NKAIN3: variants seen among roughly 807,000 people sequenced by gnomAD.
NKAIN3 encodes the protein sodium/potassium transporting ATPase interacting 3.
A neutral mutation model predicts 30.2 loss-of-function variants in NKAIN3; 25 were observed. That is an observed-to-expected ratio of 0.83 (90% CI 0.60 to 1.16). The LOEUF is 1.16. NKAIN3 is among the 50% of genes most tolerant of loss of function. The pLI is 0.00. For missense variants in NKAIN3, 225 were observed against 254.1 expected (o/e 0.89, Z 0.78); for synonymous variants, 91 against 89.6 (o/e 1.02, Z -0.09).
downstream of NKAIN3, among the ~76,000 whole-genome samples, chr8:62,989,211 G>T (rs1020483061): frequency 2.6e-5 from 4 of 152,132 alleles, no homozygotes; most frequent in African/African-American, 9.7e-5. Flanking sequence ...CTGTTACCCA[G>T]TTCCAACATC....
chr8:62,761,420 G>T (rs1176598487), intron 4 of NKAIN3, among the ~76,000 whole-genome samples: 1 of 152,172 alleles, frequency 6.6e-6, no homozygotes, highest in Non-Finnish European at 1.5e-5. Context: ...GTTCACAGCT[G>T]AAGGACTCTA....
intron 1 of NKAIN3, among the ~76,000 whole-genome samples, chr8:62,494,687 G>A (rs564771886): frequency 4.6e-5 from 7 of 151,820 alleles, no homozygotes; most frequent in African/African-American, 1.7e-4. Context: ...ATTCAATTTT[G>A]GAGCTCATTC....
chr8:62,852,039 C>G (rs1431847346), intron 4 of NKAIN3, among the ~76,000 whole-genome samples: 1 of 152,160 alleles, frequency 6.6e-6, no homozygotes, highest in African/African-American at 2.4e-5. Flanking sequence ...GGTACCAGCT[C>G]CTCCTTCTAC....
intron 4 of NKAIN3, among the ~76,000 whole-genome samples, chr8:62,870,711 C>T (rs1239523112): frequency 7.9e-6 from 1 of 126,238 alleles, no homozygotes; most frequent in Admixed American, 7.7e-5. Context: ...ATCTATATAT[C>T]TATATCTCTA....
intron 5 of NKAIN3, among the ~76,000 whole-genome samples, chr8:62,993,916 T>G (rs1324986212): frequency 2.6e-5 from 4 of 152,198 alleles, no homozygotes; most frequent in African/African-American, 9.7e-5. Flanking sequence ...GAAAGAAGCA[T>G]GCCCCATAAC....
At chr8:62,751,621 A>G (rs1354818143) in intron 4 of NKAIN3, among the ~76,000 whole-genome samples, 1 of 152,130 alleles carries the variant, frequency 6.6e-6, no homozygotes, top group African/African-American at 2.4e-5. Context: ...ATCATTGTTT[A>G]TTTAATACTC....
At chr8:62,805,597 A>T (rs1488467906) in intron 4 of NKAIN3, among the ~76,000 whole-genome samples, 1 of 152,208 alleles carries the variant, frequency 6.6e-6, no homozygotes, top group Non-Finnish European at 1.5e-5. Flanking sequence ...CTGGCTAGCC[A>T]TATGTAGAAA....
At chr8:62,841,455 A>G (rs1819529308) in intron 4 of NKAIN3, among the ~76,000 whole-genome samples, 1 of 152,010 alleles carries the variant, frequency 6.6e-6, no homozygotes, top group South Asian at 2.1e-4. Flanking sequence ...CAGTAACTCC[A>G]CATTCTCTCA....
intron 1 of NKAIN3, among the ~76,000 whole-genome samples, chr8:62,255,835 G>A (rs1349937701): frequency 6.6e-6 from 1 of 152,116 alleles, no homozygotes; most frequent in Non-Finnish European, 1.5e-5. Context: ...TCACCCGGGG[G>A]AGCTTCTGAA....
chr8:62,483,865 T>A (rs1461643856), intron 1 of NKAIN3: 2 of 176,080 alleles, frequency 1.1e-5, no homozygotes, highest in East Asian at 3.5e-4. Context: ...AATGGTCCCC[T>A]CCTCTCCATC....
At chr8:62,769,432 C>A (rs1458232091) in intron 4 of NKAIN3, among the ~76,000 whole-genome samples, 1 of 152,152 alleles carries the variant, frequency 6.6e-6, no homozygotes, top group Non-Finnish European at 1.5e-5. Flanking sequence ...CTATCAACAG[C>A]CACAAATTGG....
intron 5 of NKAIN3, among the ~76,000 whole-genome samples, chr8:62,996,888 T>A (rs1247482058): frequency 1.3e-5 from 2 of 152,168 alleles, no homozygotes; most frequent in Non-Finnish European, 2.9e-5. Context: ...CCTCTGTAGC[T>A]CTGCAGGGTA....
chr8:62,343,108 A>G (rs577435346), intron 1 of NKAIN3, among the ~76,000 whole-genome samples: 84 of 152,190 alleles, frequency 5.5e-4, no homozygotes, highest in African/African-American at 1.9e-3. Context: ...TTAATCCTTC[A>G]GAAATCACTT....
chr8:62,572,988 C>T (rs952846633), intron 1 of NKAIN3, among the ~76,000 whole-genome samples: 2 of 152,136 alleles, frequency 1.3e-5, no homozygotes, highest in Non-Finnish European at 2.9e-5. Flanking sequence ...TCTTGCGTTA[C>T]TGGGAGTATA....
intron 3 of NKAIN3, among the ~76,000 whole-genome samples, chr8:62,742,738 C>T (rs1729755102): frequency 6.6e-6 from 1 of 152,090 alleles, no homozygotes; most frequent in South Asian, 2.1e-4. Context: ...AAGATTAATT[C>T]ATTGATTTAT....
At chr8:62,942,194 A>G (rs1822979711) in intron 5 of NKAIN3, among the ~76,000 whole-genome samples, 1 of 79,990 alleles carries the variant, frequency 1.3e-5, no homozygotes. Flanking sequence ...ATACACATAT[A>G]TATACACACA....
chr8:62,886,975 T>C (rs965560120), intron 4 of NKAIN3, among the ~76,000 whole-genome samples: 1 of 152,180 alleles, frequency 6.6e-6, no homozygotes, highest in South Asian at 2.1e-4. Context: ...TTCATCCACA[T>C]CTCTACAAAG....
At chr8:62,542,599 C>G (rs1413026364) in intron 1 of NKAIN3, among the ~76,000 whole-genome samples, 1 of 151,902 alleles carries the variant, frequency 6.6e-6, no homozygotes, top group Non-Finnish European at 1.5e-5. Flanking sequence ...TTCCTCTATC[C>G]CAAGTCCAAC....
intron 3 of NKAIN3, among the ~76,000 whole-genome samples, chr8:62,740,436 T>G (rs2130567463): frequency 6.6e-6 from 1 of 152,266 alleles, no homozygotes; most frequent in Admixed American, 6.5e-5. Flanking sequence ...ATGCAATAAC[T>G]TTTTGAGCTG....
Sources: allele counts gnomAD v4.1 joint callset (sites outside exome capture counted in the v4.1 genomes callset), GRCh38; gene constraint gnomAD v4.1.1; transcripts MANE v1.5; gene names NCBI Gene and HGNC (gene_info 2026-07-23, HGNC 2026-07-21).